The following EYS variants were observed in gnomAD, a reference collection of about 807,000 sequenced individuals.
EYS encodes the protein protein eyes shut homolog.
EYS carries 250 observed loss-of-function variants against 282.1 expected under a neutral mutation model. The observed-to-expected ratio is 0.89, with a 90% CI of 0.80 to 0.98. The LOEUF (loss-of-function observed/expected upper bound fraction) is 0.98. EYS is among the 50% of genes least tolerant of loss of function. The pLI, the probability that EYS is intolerant of heterozygous loss-of-function variation, is 0.00. For synonymous variants in EYS, 1,355 were observed against 1,282.9 expected (o/e 1.06, Z -1.20); for missense variants, 4,016 against 3,709.0 (o/e 1.08, Z -2.15).
chr6:64,119,751 A>T (rs1773511308), intron 31 of EYS, among the ~76,000 whole-genome samples: 1 of 152,232 alleles, frequency 6.6e-6, no homozygotes, highest in Non-Finnish European at 1.5e-5. Flanking sequence ...GAAATTGCTT[A>T]TAAAGGGCTT....
intron 24 of EYS, among the ~76,000 whole-genome samples, chr6:64,601,459 C>T (rs551409901): frequency 2.0e-5 from 3 of 152,090 alleles, no homozygotes; most frequent in East Asian, 3.9e-4. Context: ...CTGAAGTCCT[C>T]CCTGATTTTT....
chr6:65,081,961 C>T (rs990179481), intron 12 of EYS, among the ~76,000 whole-genome samples: 3 of 152,112 alleles, frequency 2.0e-5, no homozygotes, highest in Non-Finnish European at 2.9e-5. Flanking sequence ...TCAGCACTGT[C>T]GGTGCAAGGT....
chr6:64,189,003 T>G (rs994906455), intron 31 of EYS, among the ~76,000 whole-genome samples: 2 of 152,130 alleles, frequency 1.3e-5, no homozygotes, highest in Non-Finnish European at 2.9e-5. Context: ...TTACAAAAAA[T>G]CATTGTTAGA....
chr6:65,283,984 A>T (rs902772372), intron 12 of EYS, among the ~76,000 whole-genome samples: 3 of 152,086 alleles, frequency 2.0e-5, no homozygotes, highest in Non-Finnish European at 4.4e-5. Context: ...ATCTTACGTG[A>T]TCTAAACTCG....
At chr6:65,284,378 T>C (rs966136369) in intron 12 of EYS, among the ~76,000 whole-genome samples, 16 of 152,162 alleles carry the variant, frequency 1.1e-4, no homozygotes, top group Non-Finnish European at 1.9e-4. Context: ...TACTTTTTTT[T>C]TGCAGGTGAT....
At chr6:65,667,607 A>C (rs536170301) in intron 1 of EYS, among the ~76,000 whole-genome samples, 8 of 151,970 alleles carry the variant, frequency 5.3e-5, no homozygotes, top group African/African-American at 1.9e-4. Flanking sequence ...GAATACCCTT[A>C]TTAATTGTCA....
intron 12 of EYS, among the ~76,000 whole-genome samples, chr6:65,215,956 CT>C (rs901264561): frequency 3.3e-5 from 5 of 152,114 alleles, no homozygotes; most frequent in Non-Finnish European, 1.5e-5. Context: ...ATATAGTATA[CT>C]TTAAACATAA....
At chr6:65,186,349 G>A (rs541782606) in intron 12 of EYS, among the ~76,000 whole-genome samples, 1 of 151,758 alleles carries the variant, frequency 6.6e-6, no homozygotes, top group African/African-American at 2.4e-5. Flanking sequence ...TCTTGATATG[G>A]GATATATGGA....
chr6:64,380,107 A>G (rs1582674695), intron 29 of EYS, among the ~76,000 whole-genome samples: 1 of 94,702 alleles, frequency 1.1e-5, no homozygotes, highest in East Asian at 2.4e-4. Context: ...CTGATTTGCA[A>G]CTTCAATTTT....
At chr6:64,599,661 A>T (rs992039318) in intron 24 of EYS, among the ~76,000 whole-genome samples, 8 of 152,166 alleles carry the variant, frequency 5.3e-5, no homozygotes, top group Non-Finnish European at 8.8e-5. Flanking sequence ...AATAAAATAA[A>T]GTATGGTTTA....
At chr6:65,471,912 A>G (rs1025672259) in intron 5 of EYS, among the ~76,000 whole-genome samples, 8 of 152,108 alleles carry the variant, frequency 5.3e-5, no homozygotes, top group African/African-American at 1.9e-4. Context: ...AAAACTAAAT[A>G]TAGAACCTAA....
chr6:64,259,814 T>A (rs1290682770), intron 30 of EYS, among the ~76,000 whole-genome samples: 2 of 151,230 alleles, frequency 1.3e-5, no homozygotes, highest in African/African-American at 4.9e-5. Flanking sequence ...TTTGCAGATA[T>A]AGAGTTATAT....
chr6:64,922,030 TG>T, intron 15 of EYS, among the ~76,000 whole-genome samples: 1 of 152,130 alleles, frequency 6.6e-6, no homozygotes, highest in East Asian at 1.9e-4. Flanking sequence ...AAAGAGTGTT[TG>T]GGGTAGAAGA....
chr6:65,269,373 G>C (rs1767838848), intron 12 of EYS, among the ~76,000 whole-genome samples: 1 of 152,142 alleles, frequency 6.6e-6, no homozygotes, highest in Non-Finnish European at 1.5e-5. Context: ...AACCTGTGGA[G>C]GCAATTGTAT....
Position 64,626,142 on chromosome 6 carries a change from A to G in EYS, c.3547T>C (p.Tyr1183His). ...GADCEDHING[Y>H]VCKCQPGWSG... ...TTACCTGGTTGGCATTTGCAAACAT[A>G]TCCATTGATGTGATCTTCACAGTCT... Residue 1183 changes from tyrosine to histidine, a missense_variant, in exon 23 of 43, where the codon TAT becomes CAT. Tyr to His is a moderately conservative substitution (Grantham distance 83). Coordinates refer to ENST00000503581, the MANE Select transcript of EYS (RefSeq NM_001142800.2). 2 of 1,544,648 alleles carry G rather than the reference A, an allele frequency of 1.3e-6. No individual in the cohort carries two copies. Among genetic ancestry groups the G allele is most frequent in the Non-Finnish European group, 1.7e-6 (2 of 1,144,100 alleles).
chr6:64,202,229 T>A (rs1358311540), intron 31 of EYS, among the ~76,000 whole-genome samples: 1 of 152,208 alleles, frequency 6.6e-6, no homozygotes, highest in African/African-American at 2.4e-5. Context: ...CATGAACTGC[T>A]CAGATCAATC....
At chr6:65,445,375 C>G (rs1768614744) in intron 5 of EYS, among the ~76,000 whole-genome samples, 1 of 151,788 alleles carries the variant, frequency 6.6e-6, no homozygotes, top group Admixed American at 6.6e-5. Flanking sequence ...TCTTTAACAA[C>G]TAAACTATAA....
chr6:64,345,994 A>C (rs1771374440), intron 29 of EYS, among the ~76,000 whole-genome samples: 1 of 152,184 alleles, frequency 6.6e-6, no homozygotes, highest in Admixed American at 6.5e-5. Flanking sequence ...AATCAAAACC[A>C]TGATGAGATA....
At chr6:63,890,610 A>G (rs1773382636) in intron 35 of EYS, among the ~76,000 whole-genome samples, 1 of 152,220 alleles carries the variant, frequency 6.6e-6, no homozygotes, top group Non-Finnish European at 1.5e-5. Flanking sequence ...TTAGAGGGAA[A>G]TTTATAGCAC....
Sources: gnomAD v4.1 joint callset for allele counts (sites outside exome capture counted in the v4.1 genomes callset) on GRCh38, gnomAD v4.1.1 for gene constraint, MANE v1.5 for transcripts, NCBI Gene and HGNC (gene_info 2026-07-23, HGNC 2026-07-21) for gene names.